Variants in RHOBTB1 observed in about 807,000 individuals in gnomAD.
RHOBTB1 encodes Rho related BTB domain containing 1.
In RHOBTB1, 40 loss-of-function variants were observed where a neutral mutation model predicts 71.6. The ratio of observed to expected loss-of-function variants is 0.56; its 90% CI spans 0.43 to 0.73. The LOEUF (loss-of-function observed/expected upper bound fraction) is 0.73. Ranked by LOEUF, RHOBTB1 falls within the 30% of genes least tolerant of loss-of-function variation. The pLI is 0.00. For missense variants in RHOBTB1, 797 were observed against 894.0 expected (o/e 0.89, Z 1.38); for synonymous variants, 319 against 334.9 (o/e 0.95, Z 0.52).
the RHOBTB1 span, among the ~76,000 whole-genome samples, chr10:60,863,761 G>A: frequency 6.6e-6 from 1 of 152,148 alleles, no homozygotes; most frequent in Non-Finnish European, 1.5e-5. Context: ...TTGAACTCCT[G>A]ACCTCAAGTG....
At chr10:60,960,840 G>T (rs574993506) in intron 2 of RHOBTB1, among the ~76,000 whole-genome samples, 1 of 152,288 alleles carries the variant, frequency 6.6e-6, no homozygotes, top group South Asian at 2.1e-4. Context: ...CCATGAGCTT[G>T]TTATTACCAC....
Position 60,870,591 on chromosome 10 carries a change from A to T in RHOBTB1, c.*891T>A, listed in dbSNP as rs1166371065. 1 of 152,208 alleles carries T rather than the reference A, an allele frequency of 6.6e-6. No individual in the cohort carries two copies. The highest frequency in any genetic ancestry group is 1.9e-4 in the East Asian group (1 of 5,200). The allele number at this position is 152,208 out of a possible 1,614,324, so 9.4% of individuals were successfully genotyped here. ...TGCCCATCTCAATTCAAGTCAGTGA[A>T]GAATCTGCATGCAGAAGCATGGCAA... On this transcript the variant is annotated 3_prime_UTR_variant, in exon 11 of 11. Transcript: ENST00000337910.
downstream of RHOBTB1, among the ~76,000 whole-genome samples, chr10:60,867,199 C>A (rs2080638680): frequency 6.6e-6 from 1 of 152,120 alleles, no homozygotes. Context: ...ACTTAACCTT[C>A]CAGGGGAGTA....
chr10:60,999,528 C>T (rs931646243), intron 1 of RHOBTB1, among the ~76,000 whole-genome samples: 31 of 152,166 alleles, frequency 2.0e-4, no homozygotes, highest in African/African-American at 7.2e-4. Context: ...TGGGAACAAA[C>T]CAATTATCTG....
chr10:60,863,233 A>G, the RHOBTB1 span, among the ~76,000 whole-genome samples: 27,479 of 152,148 alleles, frequency 0.18, 2,755 homozygotes, highest in African/African-American at 0.27. Flanking sequence ...AATTTAATGA[A>G]GCCCTTTCAA....
intron 2 of RHOBTB1, among the ~76,000 whole-genome samples, chr10:60,937,539 C>T (rs904525206): frequency 2.6e-5 from 4 of 152,170 alleles, no homozygotes; most frequent in African/African-American, 7.2e-5. Flanking sequence ...ACGTTAGCTA[C>T]TTAGGAACAG....
chr10:60,920,333 C>T (rs1025098695), intron 2 of RHOBTB1, among the ~76,000 whole-genome samples: 17 of 151,990 alleles, frequency 1.1e-4, no homozygotes, highest in Admixed American at 4.6e-4. Flanking sequence ...CAAAGGATGT[C>T]GAGAAAAAAT....
intron 8 of RHOBTB1, among the ~76,000 whole-genome samples, chr10:60,875,305 T>G (rs1339801238): frequency 6.6e-6 from 1 of 152,212 alleles, no homozygotes. Flanking sequence ...CCTGCAATGT[T>G]CTGTGCAGGA....
chr10:60,937,023 T>C (rs940298864), intron 2 of RHOBTB1, among the ~76,000 whole-genome samples: 2 of 152,174 alleles, frequency 1.3e-5, no homozygotes, highest in Admixed American at 6.5e-5. Context: ...ACCAGGATAA[T>C]ATAGTCTATT....
intron 1 of RHOBTB1, among the ~76,000 whole-genome samples, chr10:60,992,888 T>C (rs1454348733): frequency 6.6e-6 from 1 of 152,090 alleles, no homozygotes; most frequent in Non-Finnish European, 1.5e-5. Context: ...ATGCCACAAA[T>C]CCACATAATG....
chr10:60,869,315 C>A (rs2080671909), downstream of RHOBTB1: 1 of 152,204 alleles, frequency 6.6e-6, no homozygotes, highest in Admixed American at 6.5e-5. Flanking sequence ...ATTCAAGCTG[C>A]TTTGTTACTG....
At chr10:60,894,878 A>G (rs778360929) in intron 4 of RHOBTB1, among the ~76,000 whole-genome samples, 1 of 152,228 alleles carries the variant, frequency 6.6e-6, no homozygotes, top group Non-Finnish European at 1.5e-5. Context: ...TTTATATGAC[A>G]GACATGTAGC....
intron 4 of RHOBTB1, among the ~76,000 whole-genome samples, chr10:60,904,186 A>T (rs545460237): frequency 1.3e-5 from 2 of 152,246 alleles, no homozygotes; most frequent in Admixed American, 1.3e-4. Context: ...GCCTCAAGTG[A>T]TCCACCTGCC....
chr10:60,888,770 A>G lies in RHOBTB1; in HGVS notation c.898T>C (p.Cys300Arg), dbSNP rs760439934. The G allele has an allele frequency of 5.6e-6, 9 of 1,614,036 alleles. No homozygotes were observed. The highest frequency in any genetic ancestry group is 4.0e-5 in the African/African-American group (3 of 74,918). ...SKFYDLFLME[C>R]EESPNGSEGA... ...TCACTCCCATTTGGGGATTCTTCAC[A>G]TTCCATTAAAAACAGATCATAAAAT... The change falls in exon 6 of 11, where the codon TGT becomes CGT. Residue 300 changes from cysteine to arginine, a missense_variant. Physicochemically the swap from Cys to Arg is radical, Grantham distance 180. Around this residue, in one of 2 missense-constraint regions of RHOBTB1, gnomAD observed 658 missense variants for 681.5 expected, o/e 0.97. Coordinates refer to ENST00000337910, the MANE Select transcript of RHOBTB1 (RefSeq NM_014836.5).
chr10:60,880,956 G>C (rs1319488494), intron 7 of RHOBTB1, among the ~76,000 whole-genome samples: 1 of 152,212 alleles, frequency 6.6e-6, no homozygotes, highest in Non-Finnish European at 1.5e-5. Context: ...GTTTGGATTA[G>C]TGATATGGTT....
chr10:60,951,715 C>T (rs530682430), intron 2 of RHOBTB1, among the ~76,000 whole-genome samples: 1 of 152,170 alleles, frequency 6.6e-6, no homozygotes, highest in Non-Finnish European at 1.5e-5. Flanking sequence ...CCCCATGGTG[C>T]TTTGAATGGC....
chr10:60,944,464 C>T (rs1366690167), upstream of RHOBTB1, among the ~76,000 whole-genome samples: 1 of 152,174 alleles, frequency 6.6e-6, no homozygotes, highest in Non-Finnish European at 1.5e-5. Context: ...GGCCCGGGCA[C>T]GGAGGCGGAT....
chr10:60,963,615 C>T (rs1173298451), intron 2 of RHOBTB1, among the ~76,000 whole-genome samples: 1 of 152,072 alleles, frequency 6.6e-6, no homozygotes, highest in Non-Finnish European at 1.5e-5. Context: ...TCATGTGTTC[C>T]ATTGGAACAG....
At chr10:60,954,228 C>T (rs867720532) in intron 2 of RHOBTB1, among the ~76,000 whole-genome samples, 4 of 152,290 alleles carry the variant, frequency 2.6e-5, no homozygotes, top group Non-Finnish European at 1.5e-5. Context: ...CAAGTCACTT[C>T]TCTGAGTCCA....
Sources: gnomAD v4.1 joint callset for allele counts (sites outside exome capture counted in the v4.1 genomes callset) on GRCh38, gnomAD v4.1.1 for gene constraint, gnomAD v4.1.1 regional missense constraint, MANE v1.5 for transcripts, NCBI Gene and HGNC (gene_info 2026-07-23, HGNC 2026-07-21) for gene names.